RAB3IL1: variants seen among roughly 807,000 people sequenced by gnomAD.
RAB3IL1 encodes the protein RAB3A interacting protein like 1.
In RAB3IL1, 37 loss-of-function variants were observed where a neutral mutation model predicts 49.2. The observed-to-expected ratio is 0.75, with a 90% CI of 0.58 to 0.99. The LOEUF (loss-of-function observed/expected upper bound fraction) is 0.99. Ranked by LOEUF, RAB3IL1 falls within the 50% of genes least tolerant of loss-of-function variation. The pLI is 0.00. For missense variants in RAB3IL1, 484 were observed against 513.0 expected (o/e 0.94, Z 0.55); for synonymous variants, 193 against 213.9 (o/e 0.90, Z 0.85).
At chr11:61,945,417 G>C in the RAB3IL1 span, among the ~76,000 whole-genome samples, 2 of 152,172 alleles carry the variant, frequency 1.3e-5, no homozygotes, top group African/African-American at 2.4e-5. Flanking sequence ...GAAGCGAACC[G>C]CAGGAGCATC....
At chr11:61,929,736 C>A in the RAB3IL1 span, among the ~76,000 whole-genome samples, 3 of 151,274 alleles carry the variant, frequency 2.0e-5, no homozygotes, top group Non-Finnish European at 4.4e-5. Context: ...CAGGTGTGCA[C>A]CACCACACCC....
At chr11:61,935,921 T>G in the RAB3IL1 span, among the ~76,000 whole-genome samples, 1 of 147,886 alleles carries the variant, frequency 6.8e-6, no homozygotes, top group African/African-American at 2.5e-5. Context: ...AGAAAACAAA[T>G]AGAAATCCTG....
At chr11:61,900,268 C>T (rs969858650) in intron 8 of RAB3IL1, among the ~76,000 whole-genome samples, 1 of 152,242 alleles carries the variant, frequency 6.6e-6, no homozygotes, top group Non-Finnish European at 1.5e-5. Context: ...GAGCTGCACA[C>T]AATCTCCAGG....
At chr11:61,934,458 A>ATGTG in the RAB3IL1 span, among the ~76,000 whole-genome samples, 6 of 21,862 alleles carry the variant, frequency 2.7e-4, no homozygotes, top group Admixed American at 5.1e-4. Flanking sequence ...ATGTATATAT[A>ATGTG]TATATATATA....
intron 1 of RAB3IL1, among the ~76,000 whole-genome samples, chr11:61,909,209 G>A (rs994225389): frequency 2.0e-5 from 3 of 152,168 alleles, no homozygotes; most frequent in Admixed American, 1.3e-4. Flanking sequence ...GGGGCTGGGC[G>A]GGCCACTGAT....
chr11:61,922,702 C>G (rs186236049), upstream of RAB3IL1, among the ~76,000 whole-genome samples: 584 of 152,236 alleles, frequency 3.8e-3, 4 homozygotes, highest in African/African-American at 0.013. Flanking sequence ...TCACACCCCA[C>G]CCTGCCCCGC....
At chr11:61,935,570 A>G in the RAB3IL1 span, among the ~76,000 whole-genome samples, 1 of 152,074 alleles carries the variant, frequency 6.6e-6, no homozygotes, top group African/African-American at 2.4e-5. Context: ...GCTGGAGTGC[A>G]GGGGCACTAT....
chr11:61,904,547 T>C lies in RAB3IL1; in HGVS notation c.898A>G (p.Asn300Asp). The C allele has an allele frequency of 6.2e-7, 1 of 1,606,414 alleles. No homozygotes were observed. Among genetic ancestry groups the C allele is most frequent in the South Asian group, 1.1e-5 (1 of 89,534 alleles). ...KVAEVDCSST[N>D]TCALSGLTRT... is the part of the protein sequence containing the mutation. The stretch of plus-strand genomic sequence containing the variant: ...AAGGAGCTAAGACCCTCAGCTTACT[T>C]GGTGCTGCTACAGTCAACCTCGGCC... The change falls in exon 7 of 10, where the codon AAC (asparagine) becomes GAC (aspartate). Residue 300 changes from asparagine to aspartate, a missense_variant and splice_region_variant. By Grantham distance (23) the Asn-to-Asp change is conservative. Coordinates refer to ENST00000394836, the MANE Select transcript of RAB3IL1 (RefSeq NM_013401.4).
the RAB3IL1 span, among the ~76,000 whole-genome samples, chr11:61,929,582 C>T: frequency 4.1e-5 from 6 of 147,678 alleles, no homozygotes; most frequent in South Asian, 4.3e-4. Context: ...TCAAGGAGAA[C>T]CAAGCAGATT....
At chr11:61,926,657 G>A in the RAB3IL1 span, among the ~76,000 whole-genome samples, 19 of 152,246 alleles carry the variant, frequency 1.2e-4, no homozygotes, top group Non-Finnish European at 2.8e-4. Context: ...GGGTTCAAGT[G>A]ATTCTCCTGC....
the RAB3IL1 span, among the ~76,000 whole-genome samples, chr11:61,940,802 C>T: frequency 6.6e-6 from 1 of 152,044 alleles, no homozygotes; most frequent in Non-Finnish European, 1.5e-5. Context: ...TGCCTATAGT[C>T]CCAGCTACTC....
Position 61,898,903 on chromosome 11 carries a change from G to A in RAB3IL1, c.1066+411C>T, listed in dbSNP as rs1565355534. On this transcript the variant is annotated intron_variant, in intron 9 of 9. Coordinates refer to ENST00000394836, the MANE Select transcript of RAB3IL1 (RefSeq NM_013401.4). This position sits in a 1 kb window ranked among gnomAD's most constrained non-coding sequence, Gnocchi z 5.1. ...CAGCAGCGAGCAAAGGTTGGTGGAG[G>A]AGCGGGGAGCCAGGCCTTGCAGAAT... is the stretch of plus-strand genomic sequence containing the variant. 2.1e-6 allele frequency: 1 copy of A among 475,768 alleles called. No homozygotes were observed. The allele number at this position is 475,768 out of a possible 1,614,324, so 29.5% of individuals were successfully genotyped here.
Position 61,917,371 on chromosome 11 carries a change from G to C in RAB3IL1, c.-4C>G. 1 of 1,249,738 alleles carries C rather than the reference G, an allele frequency of 8.0e-7. No individual in the cohort carries two copies. Among genetic ancestry groups the C allele is most frequent in the Non-Finnish European group, 1.0e-6 (1 of 998,970 alleles). 77.4% of individuals were successfully genotyped at this position (1,249,738 alleles called of 1,614,324 possible). A position where few individuals can be genotyped will look rare whatever the true frequency, so the allele number is the denominator to read the frequency against. ...CGCGGACCTACCCGCTCCACATCCC[G>C]GCGCCTCGGGGCGCCCAGGCGTCCG... On this transcript the variant is annotated 5_prime_UTR_variant, in exon 1 of 10. Coordinates refer to ENST00000394836, the MANE Select transcript of RAB3IL1 (RefSeq NM_013401.4).
chr11:61,938,214 G>A, the RAB3IL1 span, among the ~76,000 whole-genome samples: 2 of 151,942 alleles, frequency 1.3e-5, no homozygotes, highest in Admixed American at 6.6e-5. Context: ...CTTGGGCAAC[G>A]AAGTTATGCT....
the RAB3IL1 span, among the ~76,000 whole-genome samples, chr11:61,937,736 T>C: frequency 1.4e-5 from 2 of 145,230 alleles, no homozygotes; most frequent in Admixed American, 6.8e-5. Context: ...AATGAAGGAG[T>C]TGAGGAACAA....
chr11:61,909,392 G>T (rs1939361102), intron 1 of RAB3IL1, among the ~76,000 whole-genome samples: 1 of 152,212 alleles, frequency 6.6e-6, no homozygotes, highest in Admixed American at 6.5e-5. Flanking sequence ...TCACCAAGCA[G>T]CCCCTGAGCC....
upstream of RAB3IL1, among the ~76,000 whole-genome samples, chr11:61,919,837 C>G (rs1565370158): frequency 6.6e-6 from 1 of 152,204 alleles, no homozygotes; most frequent in Non-Finnish European, 1.5e-5. Flanking sequence ...TCTGGACTTA[C>G]AGGTGTGTCC....
the RAB3IL1 span, among the ~76,000 whole-genome samples, chr11:61,934,454 A>ATG: frequency 0.091 from 1,386 of 15,174 alleles, 84 homozygotes; most frequent in African/African-American, 0.2. Context: ...GTGTATGTAT[A>ATG]TATATATATA....
intron 7 of RAB3IL1, among the ~76,000 whole-genome samples, chr11:61,903,610 G>A (rs1233002996): frequency 2.6e-5 from 4 of 151,468 alleles, no homozygotes; most frequent in Non-Finnish European, 4.4e-5. Context: ...CACAACCTCC[G>A]TCTCCCAGGC....
Sources: gnomAD v4.1 joint callset for allele counts (sites outside exome capture counted in the v4.1 genomes callset) on GRCh38, gnomAD v4.1.1 for gene constraint, Gnocchi (gnomAD v3.1) non-coding constraint, MANE v1.5 for transcripts, NCBI Gene and HGNC (gene_info 2026-07-23, HGNC 2026-07-21) for gene names.